Variants in ALDH4A1 observed in about 807,000 individuals in gnomAD.
The protein encoded by ALDH4A1 is aldehyde dehydrogenase 4 family member A1, also known as delta-1-pyrroline-5-carboxylate dehydrogenase, mitochondrial.
Under a neutral mutation model 70.5 loss-of-function variants are expected in ALDH4A1, and 46 were observed. The ratio of observed to expected loss-of-function variants is 0.65; its 90% CI spans 0.51 to 0.83. ALDH4A1 has a LOEUF of 0.83. ALDH4A1 is among the 40% of genes least tolerant of loss of function. ALDH4A1 has a pLI of 0.00. For missense variants in ALDH4A1, 749 were observed against 766.5 expected (o/e 0.98, Z 0.27); for synonymous variants, 323 against 324.3 (o/e 1.00, Z 0.04).
In ALDH4A1 at chr1:18,890,046, G is replaced by A. The variant is rs775103072; in HGVS notation, c.122C>T (p.Thr41Met). The A allele has an allele frequency of 1.7e-5, 27 of 1,612,756 alleles. No individual in the cohort carries two copies. The highest frequency in any genetic ancestry group is 4.0e-5 in the African/African-American group (3 of 74,930). ...KVANEPVLAFTQGSPERDALQ... is the reference protein window; with the variant it reads ...KVANEPVLAFMQGSPERDALQ... ...GGCATCTCGCTCAGGGCTGCCCTGC[G>A]TGAAGGCTAAGACGGGCTCGTTGGC... Residue 41 changes from threonine (T) to methionine (M), a missense_variant, in exon 2 of 15, where the codon ACG (threonine) becomes ATG (methionine). Transcript: ENST00000375341.
chr1:18,892,657 C>T (rs902118549), intron 1 of ALDH4A1, among the ~76,000 whole-genome samples: 3 of 151,670 alleles, frequency 2.0e-5, no homozygotes, highest in African/African-American at 7.3e-5. Flanking sequence ...ATAGGACCTT[C>T]TCTCCACTCC....
rs188777430 is a variant in ALDH4A1, at chr1:18,892,862, C to T, written c.63-2757G>A. Among the ~76,000 whole-genome samples, 167 of 152,302 alleles carry T rather than the reference C, an allele frequency of 1.1e-3. 1 individual carries two copies. The highest frequency in any genetic ancestry group is 3.8e-3 in the African/African-American group (157 of 41,558). On this transcript the variant is annotated intron_variant, in intron 1 of 14. Coordinates refer to ENST00000375341, the MANE Select transcript of ALDH4A1 (RefSeq NM_003748.4). ...AACGATAAATACATTAAAATCTGCA[C>T]GGCCCTCTTCCATCTACCATCATGA... is the stretch of plus-strand genomic sequence containing the variant.
rs774707581 is a variant in ALDH4A1, at chr1:18,877,512, C to A, written c.1041G>T (p.Lys347Asn). The A allele has an allele frequency of 6.2e-7, 1 of 1,610,890 alleles. No homozygotes were observed. The highest frequency in any genetic ancestry group is 1.7e-5 in the Admixed American group (1 of 59,782). The part of the protein sequence containing the change: ...LRSAFEYGGQ[K>N]CSACSRLYVP... ...CGTAGAGACGCGAGCACGCGGAACA[C>A]TTCTGGCCACCGTACTCGAAGGCTG... The change falls in exon 10 of 15, where the codon AAG (lysine) becomes AAT (asparagine). Residue 347 changes from lysine to asparagine, a missense_variant. Physicochemically the swap from Lys to Asn is moderately conservative, Grantham distance 94. Transcript: ENST00000375341.
At chr1:18,881,201 C>T (rs981662953) in intron 8 of ALDH4A1, among the ~76,000 whole-genome samples, 1 of 152,148 alleles carries the variant, frequency 6.6e-6, no homozygotes, top group Admixed American at 6.5e-5. Flanking sequence ...ACACAGGATC[C>T]TGCCATGCCC....
intron 8 of ALDH4A1, among the ~76,000 whole-genome samples, chr1:18,879,726 G>A (rs1277598185): frequency 2.6e-5 from 4 of 152,152 alleles, no homozygotes; most frequent in African/African-American, 7.2e-5. Flanking sequence ...CAAGTGTGAG[G>A]CATGTGCTTA....
In ALDH4A1 at chr1:18,885,533, C is replaced by A; in HGVS notation, c.393G>T (p.Ala131=). The change falls in exon 5 of 15, where the codon GCG becomes GCT. Residue 131 remains alanine (A), a synonymous_variant. Coordinates refer to ENST00000375341, the MANE Select transcript of ALDH4A1 (RefSeq NM_003748.4). The part of the protein sequence containing the change: ...IADRAQIFLK[A]ADMLSGPRRA... ...TGCGCGGCCCACTCAGCATGTCTGC[C>A]GCCTTCAGGAAGATCTGGGCCCGGT... The A allele has an allele frequency of 6.2e-7, 1 of 1,606,452 alleles. No homozygotes were observed. Among genetic ancestry groups the A allele is most frequent in the Non-Finnish European group, 8.5e-7 (1 of 1,176,576 alleles).
In ALDH4A1 at chr1:18,900,874, C is replaced by G. The variant is rs530542720; in HGVS notation, c.62+1588G>C. 147 of 985,304 alleles carry G rather than the reference C, an allele frequency of 1.5e-4. 1 individual carries two copies. The South Asian group carries it at 6.0e-3, about 40-fold the overall frequency. The allele number at this position is 985,304 out of a possible 1,614,324, so 61.0% of individuals were successfully genotyped here. Reference sequence around the variant, plus strand: ...TAATACAGGAATGAGACAGTACTTACCGGCTCGGTGTTAGGCCCATGGTGC... The same window carrying G: ...TAATACAGGAATGAGACAGTACTTAGCGGCTCGGTGTTAGGCCCATGGTGC... On this transcript the variant is annotated intron_variant, in intron 1 of 14. Coordinates refer to ENST00000375341, the MANE Select transcript of ALDH4A1 (RefSeq NM_003748.4).
chr1:18,887,160 G>C (rs1935234646), intron 3 of ALDH4A1, among the ~76,000 whole-genome samples: 1 of 152,226 alleles, frequency 6.6e-6, no homozygotes, highest in South Asian at 2.1e-4. Flanking sequence ...AACACAACCT[G>C]GTGTTGGTCC....
At chr1:18,890,261 G>T in intron 1 of ALDH4A1, 156 bp from the exon 2 acceptor site, 1 of 649,298 alleles carries the variant, frequency 1.5e-6, no homozygotes. Flanking sequence ...CCCACCTTGG[G>T]CTGGGCATGG....
At chr1:18,875,291 T>G in intron 13 of ALDH4A1, 91 bp downstream of exon 13, 2 of 1,595,286 alleles carry the variant, frequency 1.3e-6, no homozygotes, top group Non-Finnish European at 1.7e-6. Context: ...AGGGGCAGCA[T>G]TATTACTGGG....
chr1:18,885,901 A>G (rs1569765597), intron 4 of ALDH4A1, among the ~76,000 whole-genome samples: 1 of 152,166 alleles, frequency 6.6e-6, no homozygotes, highest in South Asian at 2.1e-4. Context: ...CACTGGCTCC[A>G]CTTTCTCTCA....
At chr1:18,885,860 G>A (rs753652485) in intron 4 of ALDH4A1, among the ~76,000 whole-genome samples, 1 of 152,180 alleles carries the variant, frequency 6.6e-6, no homozygotes, top group Non-Finnish European at 1.5e-5. Context: ...TCAGCTCTCC[G>A]AGGCCTTGGC....
Position 18,890,075 on chromosome 1 carries a change from C to T in ALDH4A1, c.93G>A (p.Lys31=), listed in dbSNP as rs918179067. 1 of 1,613,004 alleles carries T rather than the reference C, an allele frequency of 6.2e-7. No homozygotes were observed. Among genetic ancestry groups the T allele is most frequent in the East Asian group, 2.2e-5 (1 of 44,882 alleles). Residue 31 remains lysine (K), a synonymous_variant, in exon 2 of 15, where the codon AAG becomes AAA. Transcript: ENST00000375341. ...GLRWKHTSSL[K]VANEPVLAFT... ...AGGCTAAGACGGGCTCGTTGGCCAC[C>T]TTCAGGGAGGAGGTGTGCTTCCACC...
chr1:18,882,329 G>A (rs965158937), intron 7 of ALDH4A1, among the ~76,000 whole-genome samples: 2 of 152,048 alleles, frequency 1.3e-5, no homozygotes, highest in East Asian at 1.9e-4. Context: ...GCATGAGGAC[G>A]TCCCCATCCA....
chr1:18,877,396 G>C lies in ALDH4A1; in HGVS notation c.1137+20C>G. On this transcript the variant is annotated intron_variant, in intron 10 of 14. Coordinates refer to ENST00000375341, the MANE Select transcript of ALDH4A1 (RefSeq NM_003748.4). ...ATCAGCCCCCCGCTGGGCCGCGGCG[G>C]GGGTGACGGTGCCACTCACGTCGCC... 7.1e-6 allele frequency: 11 copies of C among 1,557,714 alleles called. No homozygotes were observed. Among genetic ancestry groups the C allele is most frequent in the Admixed American group, 1.9e-5 (1 of 52,622 alleles).
intron 3 of ALDH4A1, among the ~76,000 whole-genome samples, chr1:18,887,032 G>A (rs9426639): frequency 0.034 from 5,251 of 152,284 alleles, 334 homozygotes; most frequent in African/African-American, 0.12. Context: ...AGAATGCACC[G>A]GTGTTGTGAC....
intron 8 of ALDH4A1, 118 bp from the exon 9 acceptor site, chr1:18,879,491 G>C: frequency 1.1e-6 from 1 of 874,254 alleles, no homozygotes; most frequent in Non-Finnish European, 1.9e-6. Context: ...CCAAGTCGGG[G>C]ATGGCGGCTG....
At chr1:18,901,413 G>A (rs1425123308) in intron 1 of ALDH4A1, among the ~76,000 whole-genome samples, 3 of 152,186 alleles carry the variant, frequency 2.0e-5, no homozygotes, top group Non-Finnish European at 4.4e-5. Context: ...AACAGCCCCA[G>A]GGGTCAAGCA....
intron 1 of ALDH4A1, among the ~76,000 whole-genome samples, chr1:18,891,988 A>G (rs1384724007): frequency 1.3e-5 from 2 of 151,980 alleles, no homozygotes; most frequent in African/African-American, 2.4e-5. Flanking sequence ...AGATCACGCC[A>G]CTGCACTCCA....
Sources: allele counts gnomAD v4.1 joint callset (sites outside exome capture counted in the v4.1 genomes callset), GRCh38; gene constraint gnomAD v4.1.1; transcripts MANE v1.5; gene names NCBI Gene and HGNC (gene_info 2026-07-23, HGNC 2026-07-21).